SDC4: variants seen among roughly 807,000 people sequenced by gnomAD.
SDC4 encodes the protein syndecan-4.
In SDC4, 17 loss-of-function variants were observed where a neutral mutation model predicts 20.5. The ratio of observed to expected loss-of-function variants is 0.83; its 90% confidence interval spans 0.57 to 1.25. SDC4 has a LOEUF of 1.25. SDC4 is among the 50% of genes most tolerant of loss of function. SDC4 has a pLI of 0.00. For synonymous variants in SDC4, 107 were observed against 105.3 expected (o/e 1.02, Z -0.10); for missense variants, 241 against 252.3 (o/e 0.96, Z 0.30).
At chr20:45,332,913 G>T in intron 3 of SDC4, 110 bp downstream of exon 3, 1 of 1,037,202 alleles carries the variant, frequency 9.6e-7, no homozygotes, top group Non-Finnish European at 1.5e-6. Context: ...CCGCATAGTG[G>T]GGTAAGACCC....
Position 45,348,418 on chromosome 20 carries a change from G to A in SDC4, c.-34C>T, listed in dbSNP as rs1192937814. 3 of 1,514,240 alleles carry A rather than the reference G, an allele frequency of 2.0e-6. No individual in the cohort carries two copies. The highest frequency in any genetic ancestry group is 2.6e-6 in the Non-Finnish European group (3 of 1,133,966). 93.8% of individuals were successfully genotyped at this position (1,514,240 alleles called of 1,614,324 possible). On this transcript the variant is annotated 5_prime_UTR_variant, in exon 1 of 5. Coordinates refer to ENST00000372733, the MANE Select transcript of SDC4 (RefSeq NM_002999.4). ...GGACTGGAGAAGGCGCGCAGGCTGC[G>A]GCGAGTGGCCCCGGGCGGGCGCGCC...
At chr20:45,339,618 T>G (rs765942797) in intron 1 of SDC4, among the ~76,000 whole-genome samples, 1 of 152,208 alleles carries the variant, frequency 6.6e-6, no homozygotes, top group African/African-American at 2.4e-5. Context: ...TGCACGCCTG[T>G]GGTCCCAGCT....
At chr20:45,328,772 CAG>C (rs1422094301) in intron 4 of SDC4, among the ~76,000 whole-genome samples, 2 of 152,172 alleles carry the variant, frequency 1.3e-5, no homozygotes, top group African/African-American at 4.8e-5. Flanking sequence ...CAGAGTGGCA[CAG>C]AGGAGTCAAG....
intron 1 of SDC4, among the ~76,000 whole-genome samples, chr20:45,347,632 C>CT (rs1292116480): frequency 6.6e-6 from 1 of 152,202 alleles, no homozygotes; most frequent in African/African-American, 2.4e-5. Context: ...CAGCTCCTGG[C>CT]TAAGTGTTGA....
chr20:45,330,010 A>G (rs1248459953), intron 4 of SDC4, among the ~76,000 whole-genome samples: 3 of 152,204 alleles, frequency 2.0e-5, no homozygotes, highest in Admixed American at 6.5e-5. Flanking sequence ...AATTCGAAGG[A>G]GCCTCCAGAC....
intron 4 of SDC4, among the ~76,000 whole-genome samples, chr20:45,329,862 A>G (rs1479375873): frequency 6.6e-6 from 1 of 152,016 alleles, no homozygotes; most frequent in East Asian, 1.9e-4. Context: ...TTTTTCATGG[A>G]CTCATTATAT....
intron 2 of SDC4, among the ~76,000 whole-genome samples, chr20:45,335,240 T>C (rs1435761209): frequency 6.6e-6 from 1 of 150,464 alleles, no homozygotes; most frequent in African/African-American, 2.4e-5. Context: ...TGCAGTAGCA[T>C]GATCTTGGCT....
At chr20:45,331,126 T>A (rs957309443) in intron 3 of SDC4, among the ~76,000 whole-genome samples, 1 of 152,184 alleles carries the variant, frequency 6.6e-6, no homozygotes, top group Non-Finnish European at 1.5e-5. Context: ...TCTGGTAACA[T>A]CTTTCTGGAG....
rs148973596 is a variant in SDC4, at chr20:45,340,366, CT to C, written c.61-4447del. Among the ~76,000 whole-genome samples, 1,553 of 152,302 alleles carry C rather than the reference CT, an allele frequency of 0.01. 72 individuals carry two copies. Among genetic ancestry groups the C allele is most frequent in the Admixed American group, 0.073 (1,124 of 15,308 alleles). On this transcript the variant is annotated intron_variant, in intron 1 of 4. Coordinates refer to ENST00000372733, the MANE Select transcript of SDC4 (RefSeq NM_002999.4). ...AGAAGACTGAGGTTCAGCTGAGTCA[CT>C]TATCCAACGTCATGCAACTAGAAAG...
At chr20:45,328,798 TGG>T (rs1428284990) in intron 4 of SDC4, among the ~76,000 whole-genome samples, 1 of 152,164 alleles carries the variant, frequency 6.6e-6, no homozygotes, top group Non-Finnish European at 1.5e-5. Flanking sequence ...GGTTCTTTCT[TGG>T]GTAAAATCCT....
intron 1 of SDC4, among the ~76,000 whole-genome samples, chr20:45,338,166 T>C (rs1987901667): frequency 6.6e-6 from 1 of 152,108 alleles, no homozygotes; most frequent in Non-Finnish European, 1.5e-5. Flanking sequence ...AATAGTCCCT[T>C]TTTGCAGAGA....
intron 4 of SDC4, among the ~76,000 whole-genome samples, chr20:45,328,616 A>G (rs1987730496): frequency 6.6e-6 from 1 of 152,106 alleles, no homozygotes; most frequent in Admixed American, 6.6e-5. Flanking sequence ...GGTGGCCTGA[A>G]TGACTCATTC....
In SDC4 at chr20:45,335,830, GC is replaced by G. The variant is rs1568906163; in HGVS notation, c.150del (p.Gln53ArgfsTer21). On this transcript the variant is annotated frameshift_variant, in exon 2 of 5. Coordinates refer to ENST00000372733, the MANE Select transcript of SDC4 (RefSeq NM_002999.4). LOFTEE classifies it high-confidence loss of function. ...TCAAAGTCATCAGATTCCTGCCCGG[GC>G]CCCACTACATCCTCATCGTCTGGTA... ...GALPDDEDVVGPGQESDDFEL... is the reference protein window; with the variant it reads ...GALPDDEDVVXPGQESDDFEL... The G allele has an allele frequency of 6.2e-7, 1 of 1,613,966 alleles. No homozygotes were observed. Among genetic ancestry groups the G allele is most frequent in the Non-Finnish European group, 8.5e-7 (1 of 1,179,998 alleles).
intron 4 of SDC4, among the ~76,000 whole-genome samples, chr20:45,327,881 C>T (rs1337978037): frequency 6.6e-6 from 1 of 152,170 alleles, no homozygotes; most frequent in Non-Finnish European, 1.5e-5. Flanking sequence ...TGACCTTGCC[C>T]ATCTCGGCCT....
intron 4 of SDC4, among the ~76,000 whole-genome samples, chr20:45,328,554 G>A (rs1001987918): frequency 2.0e-5 from 3 of 152,080 alleles, no homozygotes; most frequent in African/African-American, 7.2e-5. Context: ...GCCTAGTGTT[G>A]GGCAGAGATG....
At chr20:45,344,087 G>C (rs1987995756) in intron 1 of SDC4, among the ~76,000 whole-genome samples, 1 of 152,164 alleles carries the variant, frequency 6.6e-6, no homozygotes, top group South Asian at 2.1e-4. Context: ...CACCAAACCT[G>C]AACAGTACCA....
At chr20:45,335,643 T>C (rs1046316324) in intron 2 of SDC4, 139 bp downstream of exon 2, 2 of 876,038 alleles carry the variant, frequency 2.3e-6, no homozygotes, top group Non-Finnish European at 1.7e-6. Flanking sequence ...TTGTTTCCCC[T>C]TTTTTTGAGA....
In SDC4 at chr20:45,335,847, T is replaced by A. The variant is rs781092270; in HGVS notation, c.134A>T (p.Asp45Val). 6 of 1,613,808 alleles carry A rather than the reference T, an allele frequency of 3.7e-6. No homozygotes were observed. In the Admixed American group the frequency reaches 5.0e-5, roughly 13 times the overall value. ...GRYFSGALPD[D>V]EDVVGPGQES... ...CTGCCCGGGCCCCACTACATCCTCA[T>A]CGTCTGGTAGGGCTCCGGAGAAGTA... The change falls in exon 2 of 5, where the codon GAT becomes GTT. Residue 45 changes from aspartate to valine, a missense_variant. Coordinates refer to ENST00000372733, the MANE Select transcript of SDC4 (RefSeq NM_002999.4).
At chr20:45,333,205 C>G (rs1164077585) in intron 2 of SDC4, 136 bp from the exon 3 acceptor site, 3 of 753,258 alleles carry the variant, frequency 4.0e-6, no homozygotes, top group Non-Finnish European at 6.9e-6. Context: ...TTCCCCACCC[C>G]TACTTCAGTC....
Sources: allele counts gnomAD v4.1 joint callset (sites outside exome capture counted in the v4.1 genomes callset), GRCh38; gene constraint gnomAD v4.1.1; transcripts MANE v1.5; gene names NCBI Gene and HGNC (gene_info 2026-07-23, HGNC 2026-07-21).